Variants in MYH11 observed in about 807,000 individuals in gnomAD.
MYH11 encodes myosin-11.
A neutral mutation model predicts 246.6 loss-of-function variants in MYH11; 80 were observed. The observed-to-expected ratio is 0.32, with a 90% CI of 0.27 to 0.39. MYH11 has a LOEUF of 0.39. MYH11 is among the 10% of genes least tolerant of loss of function. The pLI is 1.00. For missense variants in MYH11, 2,158 were observed against 2,546.8 expected (o/e 0.85, Z 3.29); for synonymous variants, 1,071 against 1,015.5 (o/e 1.05, Z -1.04).
chr16:15,814,552 T>C (rs2043217190), intron 3 of MYH11, among the ~76,000 whole-genome samples: 1 of 9,272 alleles, frequency 1.1e-4, no homozygotes, highest in Non-Finnish European at 1.8e-4. Flanking sequence ...AAACTCCATC[T>C]CAAAAAAAAA....
chr16:15,786,358 G>T (rs997091352), intron 5 of MYH11: 5 of 594,692 alleles, frequency 8.4e-6, no homozygotes, highest in Non-Finnish European at 1.2e-5. Flanking sequence ...AAGCCCCGAC[G>T]TGGAGGAAGA....
In MYH11 at chr16:15,742,098, A is replaced by C. The variant is rs1395577723; in HGVS notation, c.2521-207T>G. 4.2e-6 allele frequency: 3 copies of C among 709,308 alleles called. No homozygotes were observed. In the East Asian group the frequency reaches 8.2e-5, roughly 19 times the overall value. 43.9% of individuals were successfully genotyped at this position (709,308 alleles called of 1,614,324 possible). On this transcript the variant is annotated intron_variant, in intron 20 of 40. Coordinates refer to ENST00000300036, the MANE Select transcript of MYH11 (RefSeq NM_002474.3). ...TGGGTAGAGGCCAGGGATACTGCTA[A>C]ACACCCTACAGTGCACAGGACAGCC...
intron 40 of MYH11, chr16:15,708,861 C>G: frequency 6.2e-7 from 1 of 1,608,192 alleles, no homozygotes; most frequent in East Asian, 2.2e-5. Context: ...AGAGAGAATC[C>G]CCGGAGGTTA....
chr16:15,784,758 T>A, intron 5 of MYH11: 1 of 1,612,900 alleles, frequency 6.2e-7, no homozygotes, highest in Non-Finnish European at 8.5e-7. Context: ...ATGTCAGCGT[T>A]ATTTCCATCA....
intron 23 of MYH11, 31 bp downstream of exon 23, chr16:15,740,020 G>C: frequency 6.2e-7 from 1 of 1,611,982 alleles, no homozygotes; most frequent in Non-Finnish European, 8.5e-7. Flanking sequence ...CGGATTATAG[G>C]CGTGAGCCAC....
At position 15,703,995 on chromosome 16, in the gene MYH11, T is replaced by C; in HGVS notation, c.5915A>G (p.Glu1972Gly). Reference protein sequence around the residue: ...DADFNGTKASE With the variant: ...DADFNGTKASG Reference sequence around the variant, plus strand: ...TGCAAAACTGTAGAAAGTTGCTTATTCACTGGCCTTGGTTCCATTGAAGTC... The same window carrying C: ...TGCAAAACTGTAGAAAGTTGCTTATCCACTGGCCTTGGTTCCATTGAAGTC... Residue 1972 changes from glutamate to glycine, a missense_variant, in exon 41 of 41, where the codon GAA becomes GGA. This residue lies in a region of MYH11 where 1,013 missense variants were observed against 993.5 expected (regional missense o/e 1.02). Transcript: ENST00000300036. 1.2e-6 allele frequency: 2 copies of C among 1,614,144 alleles called. No homozygotes were observed. Among genetic ancestry groups the C allele is most frequent in the Non-Finnish European group, 1.7e-6 (2 of 1,180,010 alleles).
chr16:15,820,558 C>A (rs944855278), intron 3 of MYH11, among the ~76,000 whole-genome samples: 3 of 150,988 alleles, frequency 2.0e-5, no homozygotes, highest in Admixed American at 1.3e-4. Context: ...AACGCTAAGA[C>A]CACAGGGGCT....
At chr16:15,801,192 C>G (rs2042876749) in intron 3 of MYH11, among the ~76,000 whole-genome samples, 1 of 152,026 alleles carries the variant, frequency 6.6e-6, no homozygotes. Flanking sequence ...GGCAACAGAG[C>G]AAGACTCTGT....
intron 14 of MYH11, among the ~76,000 whole-genome samples, chr16:15,754,285 G>A (rs1261698743): frequency 6.6e-6 from 1 of 152,100 alleles, no homozygotes; most frequent in Middle Eastern, 3.2e-3. Context: ...AGCATAATTT[G>A]TAACTCAGAG....
chr16:15,721,895 T>C (rs1023121968), intron 31 of MYH11, among the ~76,000 whole-genome samples: 2 of 152,182 alleles, frequency 1.3e-5, no homozygotes, highest in African/African-American at 4.8e-5. Flanking sequence ...TCTCACTTTG[T>C]CACCCAGGCT....
At chr16:15,736,558 C>T (rs1375869346) in intron 25 of MYH11, among the ~76,000 whole-genome samples, 1 of 152,162 alleles carries the variant, frequency 6.6e-6, no homozygotes, top group Non-Finnish European at 1.5e-5. Context: ...AGATTACAGG[C>T]GTGAGCCACT....
chr16:15,760,068 C>G (rs1438401468), intron 11 of MYH11, among the ~76,000 whole-genome samples: 3 of 152,052 alleles, frequency 2.0e-5, no homozygotes, highest in Non-Finnish European at 4.4e-5. Context: ...CTGCACCCCC[C>G]CCTGGGCAAC....
intron 15 of MYH11, among the ~76,000 whole-genome samples, chr16:15,752,879 T>C (rs1417132562): frequency 1.3e-5 from 2 of 152,042 alleles, no homozygotes; most frequent in African/African-American, 4.8e-5. Context: ...ACTCTGTCCC[T>C]AAATAAATAA....
intron 2 of MYH11, among the ~76,000 whole-genome samples, chr16:15,834,508 A>G (rs1431553114): frequency 2.0e-5 from 3 of 151,646 alleles, no homozygotes; most frequent in Non-Finnish European, 4.4e-5. Flanking sequence ...CCTGAGCAAC[A>G]AAAGTGAAAT....
chr16:15,842,339 T>C (rs1256408008), intron 1 of MYH11, among the ~76,000 whole-genome samples: 2 of 151,756 alleles, frequency 1.3e-5, no homozygotes, highest in Admixed American at 1.3e-4. Context: ...TGAGCCAAGA[T>C]TGTGCCTCTC....
intron 14 of MYH11, among the ~76,000 whole-genome samples, chr16:15,756,066 C>G (rs1265232847): frequency 6.6e-6 from 1 of 152,232 alleles, no homozygotes; most frequent in Non-Finnish European, 1.5e-5. Context: ...CCACTGCACT[C>G]CAGCCTGGGC....
At chr16:15,807,073 C>G (rs764070338) in intron 3 of MYH11, among the ~76,000 whole-genome samples, 1 of 152,122 alleles carries the variant, frequency 6.6e-6, no homozygotes, top group African/African-American at 2.4e-5. Flanking sequence ...CAGATCCTTC[C>G]ATCTCAGCCT....
In MYH11 at chr16:15,771,649, G is replaced by A. The variant is rs1567747453; in HGVS notation, c.953C>T (p.Pro318Leu). The change falls in exon 9 of 41, where the codon CCA becomes CTA. Residue 318 changes from proline to leucine, a missense_variant. Around this residue, in one of 11 missense-constraint regions of MYH11, gnomAD observed 75 missense variants for 70.0 expected, o/e 1.07. Coordinates refer to ENST00000300036, the MANE Select transcript of MYH11 (RefSeq NM_002474.3). Reference protein sequence around the residue: ...TFLSNGFVPIPAAQDDEMFQE... With the variant: ...TFLSNGFVPILAAQDDEMFQE... ...GAACATCTCATCATCCTGGGCTGCT[G>A]GGATGGGCACAAAGCCATTGGAGAG... 2.5e-6 allele frequency: 4 copies of A among 1,613,990 alleles called. No individual in the cohort carries two copies. Among genetic ancestry groups the A allele is most frequent in the Non-Finnish European group, 3.4e-6 (4 of 1,180,006 alleles).
chr16:15,737,064 G>A (rs1278395357), intron 25 of MYH11, among the ~76,000 whole-genome samples: 1 of 151,822 alleles, frequency 6.6e-6, no homozygotes, highest in Admixed American at 6.6e-5. Context: ...AGAGGGAGGG[G>A]CTGGGGAAAG....
Sources: allele counts gnomAD v4.1 joint callset (sites outside exome capture counted in the v4.1 genomes callset), GRCh38; gene constraint gnomAD v4.1.1; regional missense constraint gnomAD v4.1.1; transcripts MANE v1.5; gene names NCBI Gene and HGNC (gene_info 2026-07-23, HGNC 2026-07-21).